Variants in SLC27A1 observed in about 807,000 individuals in gnomAD.
SLC27A1 encodes the protein solute carrier family 27 member 1.
In SLC27A1, 61 loss-of-function variants were observed where a neutral mutation model predicts 62.2. That is an observed-to-expected ratio of 0.98 (90% CI 0.80 to 1.21). The LOEUF is 1.21. Among genes scored for constraint, SLC27A1 ranks in the 50% most tolerant of loss-of-function variants. The pLI is 0.00. For missense variants in SLC27A1, 903 were observed against 932.1 expected (o/e 0.97, Z 0.41); for synonymous variants, 435 against 408.6 (o/e 1.06, Z -0.78).
At chr19:17,484,608 G>A (rs957727809) in intron 1 of SLC27A1, among the ~76,000 whole-genome samples, 1 of 151,918 alleles carries the variant, frequency 6.6e-6, no homozygotes, top group Non-Finnish European at 1.5e-5. Context: ...TGAGTGAAGG[G>A]GGGAAAGAAT....
rs572782986 is a variant in SLC27A1 at position 17,495,098 on chromosome 19, A to G, written c.997-2157A>G. Among the ~76,000 whole-genome samples the G allele has an allele frequency of 3.6e-3, 536 of 148,936 alleles. 3 individuals are homozygous for G. The highest frequency in any genetic ancestry group is 0.019 in the Middle Eastern group (5 of 268). ...AGAGATTCTCCTGCCTCAGCCTCCC[A>G]AGTAGCTGGGATTACAGGCACATGC... On this transcript the variant is annotated intron_variant, in intron 6 of 11. Transcript: ENST00000252595.
At chr19:17,487,992 G>A (rs1231626571) in intron 4 of SLC27A1, among the ~76,000 whole-genome samples, 2 of 152,024 alleles carry the variant, frequency 1.3e-5, no homozygotes, top group Non-Finnish European at 2.9e-5. Context: ...AGCAGCTACA[G>A]GAGGTTTGAA....
In SLC27A1 at chr19:17,486,569, C is replaced by G. The variant is rs747334790; in HGVS notation, c.174C>G (p.Leu58=). Residue 58 remains leucine, a synonymous_variant, in exon 2 of 12, where the codon CTC becomes CTG. Transcript: ENST00000252595. This position sits in a 1 kb window ranked among gnomAD's most constrained non-coding sequence, Gnocchi z 6.6. ...CKTARRDLFG[L]SVLIRVRLEL... ...CCTCCGTCCTCCCTCCCAGCGGTCT[C>G]TCTGTGCTGATCCGCGTGCGCCTGG... The G allele has an allele frequency of 2.5e-6, 4 of 1,585,366 alleles. No homozygotes were observed. The highest frequency in any genetic ancestry group is 1.9e-4 in the Middle Eastern group (1 of 5,268).
At chr19:17,484,523 T>G (rs1599649546) in intron 1 of SLC27A1, among the ~76,000 whole-genome samples, 2 of 150,800 alleles carry the variant, frequency 1.3e-5, no homozygotes, top group African/African-American at 2.4e-5. Context: ...GCCTGGGAGG[T>G]CTGCAGTAAG....
intron 1 of SLC27A1, among the ~76,000 whole-genome samples, chr19:17,480,115 C>T (rs1321372519): frequency 1.3e-5 from 2 of 152,142 alleles, no homozygotes; most frequent in African/African-American, 4.8e-5. Context: ...GCAACCTCCA[C>T]CTCCCAGGTT....
At chr19:17,473,133 A>G (rs950311686) in intron 1 of SLC27A1, among the ~76,000 whole-genome samples, 1 of 152,038 alleles carries the variant, frequency 6.6e-6, no homozygotes, top group African/African-American at 2.4e-5. Flanking sequence ...TGGTTCTGCC[A>G]CGTTGCCCAG....
intron 7 of SLC27A1, among the ~76,000 whole-genome samples, chr19:17,499,688 G>A (rs1031842101): frequency 3.3e-5 from 5 of 151,748 alleles, no homozygotes; most frequent in African/African-American, 9.7e-5. Flanking sequence ...AGTGGCATGC[G>A]CCTGTAATCC....
Position 17,499,956 on chromosome 19 carries a change from T to A in SLC27A1, c.1207-322T>A, listed in dbSNP as rs1162337603. On this transcript the variant is annotated intron_variant, in intron 7 of 11. Coordinates refer to ENST00000252595, the MANE Select transcript of SLC27A1 (RefSeq NM_198580.3). ...GCCAAGCAGGGCGGCGGGCAGCAGGTGAAGCTCTGCAGTGTCTGACGTAGC... is the reference window on the plus strand; with the variant it reads ...GCCAAGCAGGGCGGCGGGCAGCAGGAGAAGCTCTGCAGTGTCTGACGTAGC... 1.3e-5 allele frequency: 4 copies of A among 318,238 alleles called. No individual in the cohort carries two copies. In the Admixed American group the frequency reaches 1.8e-4, roughly 15 times the overall value. The allele number at this position is 318,238 out of a possible 1,614,324, so 19.7% of individuals were successfully genotyped here.
chr19:17,504,936 G>A lies in SLC27A1; in HGVS notation c.*324G>A, dbSNP rs575843461. 68 of 475,010 alleles carry A rather than the reference G, an allele frequency of 1.4e-4. No homozygotes were observed. Among genetic ancestry groups the A allele is most frequent in the East Asian group, 1.4e-3 (24 of 17,030 alleles). The allele number at this position is 475,010 out of a possible 1,614,324, so 29.4% of individuals were successfully genotyped here. A position where few individuals can be genotyped will look rare whatever the true frequency, so the allele number is the denominator to read the frequency against. On this transcript the variant is annotated 3_prime_UTR_variant, in exon 12 of 12. Transcript: ENST00000252595. ...AAGATAGAGTCTCACTCTGCTGCCC[G>A]GGCTAGAGTGCAGTGGTGGGATCTC...
intron 6 of SLC27A1, chr19:17,490,195 A>G (rs2075280935): frequency 1.3e-5 from 2 of 152,158 alleles, no homozygotes; most frequent in African/African-American, 2.4e-5. Context: ...TCTGTTGCCC[A>G]GACTGGAGTG....
At chr19:17,469,675 G>A (rs1425659669), upstream of SLC27A1, among the ~76,000 whole-genome samples, 1 of 152,114 alleles carries the variant, frequency 6.6e-6, no homozygotes, top group Non-Finnish European at 1.5e-5. Flanking sequence ...TCGGCTCTGC[G>A]GGCTGAGGGG....
At position 17,500,816 on chromosome 19, in the gene SLC27A1, G is replaced by A. The variant is rs375596187; in HGVS notation, c.1576G>A (p.Gly526Ser). The A allele has an allele frequency of 2.4e-5, 39 of 1,611,526 alleles. 2 individuals carry two copies. The East Asian group carries it at 2.9e-4, about 12-fold the overall frequency. ...GENVSTTEVE[G>S]VLSRLLGQTD... ...GAACGTCTCCACCACCGAGGTGGAGGGCGTGCTGAGCCGCCTGCTGGGCCA... is the reference window on the plus strand; with the variant it reads ...GAACGTCTCCACCACCGAGGTGGAGAGCGTGCTGAGCCGCCTGCTGGGCCA... The change falls in exon 10 of 12, where the codon GGC becomes AGC. Residue 526 changes from glycine to serine, a missense_variant. Coordinates refer to ENST00000252595, the MANE Select transcript of SLC27A1 (RefSeq NM_198580.3).
chr19:17,500,986 C>A, intron 10 of SLC27A1, 110 bp downstream of exon 10: 1 of 1,259,820 alleles, frequency 7.9e-7, no homozygotes, highest in Non-Finnish European at 1.1e-6. Flanking sequence ...TGGACAACTG[C>A]TCATGGCAGC....
intron 1 of SLC27A1, among the ~76,000 whole-genome samples, chr19:17,477,574 C>G (rs967868679): frequency 1.4e-5 from 2 of 142,670 alleles, no homozygotes; most frequent in African/African-American, 5.2e-5. Context: ...TTTTTTGAGA[C>G]AGGGTCTCAC....
At chr19:17,478,333 G>A (rs1453124201) in intron 1 of SLC27A1, among the ~76,000 whole-genome samples, 3 of 151,494 alleles carry the variant, frequency 2.0e-5, no homozygotes, top group African/African-American at 4.9e-5. Context: ...CAGGTGTGGT[G>A]GCAGGCACCT....
intron 7 of SLC27A1, 185 bp from the exon 8 acceptor site, chr19:17,500,093 G>A (rs2075392739): frequency 4.6e-6 from 4 of 876,420 alleles, no homozygotes; most frequent in Non-Finnish European, 6.8e-6. Context: ...CTGGGAAGGT[G>A]GGAGGAGGGG....
Position 17,497,309 on chromosome 19 carries a change from G to C in SLC27A1, c.1051G>C (p.Glu351Gln). 2 of 1,606,206 alleles carry C rather than the reference G, an allele frequency of 1.2e-6. No homozygotes were observed. The highest frequency in any genetic ancestry group is 1.1e-5 in the South Asian group (1 of 90,094). The part of the protein sequence containing the change: ...CRYLLKQPVR[E>Q]AERRHRVRLA... ...CTACCTGCTGAAGCAGCCGGTGCGC[G>C]AGGCGGAGAGGCGACACCGCGTGCG... The change falls in exon 7 of 12, where the codon GAG (glutamate) becomes CAG (glutamine). Residue 351 changes from glutamate to glutamine, a missense_variant. Transcript: ENST00000252595.
intron 11 of SLC27A1, chr19:17,503,360 A>G (rs1055285887): frequency 6.6e-6 from 1 of 152,224 alleles, no homozygotes; most frequent in African/African-American, 2.4e-5. Flanking sequence ...CAGGCCATAC[A>G]GCCTCGATTG....
chr19:17,503,338 T>C (rs747741180), intron 11 of SLC27A1: 3 of 152,196 alleles, frequency 2.0e-5, no homozygotes, highest in Admixed American at 6.5e-5. Flanking sequence ...ATAGTTAATA[T>C]TTTCGGCTTT....
Sources: allele counts gnomAD v4.1 joint callset (sites outside exome capture counted in the v4.1 genomes callset), GRCh38; gene constraint gnomAD v4.1.1; non-coding constraint Gnocchi (gnomAD v3.1); transcripts MANE v1.5; gene names NCBI Gene and HGNC (gene_info 2026-07-23, HGNC 2026-07-21).